The following ZNF69 variants were observed in gnomAD, a reference collection of about 807,000 sequenced individuals.
ZNF69 encodes the protein zinc finger protein 69.
In ZNF69, 47 loss-of-function variants were observed where a neutral mutation model predicts 50.9. The observed-to-expected ratio is 0.92, with a 90% CI of 0.73 to 1.18. The LOEUF is 1.18. ZNF69 is among the 50% of genes most tolerant of loss of function. The probability of loss-of-function intolerance (pLI) is 0.00; values close to 1 mark genes in which losing one functional copy is unlikely to be tolerated. For missense variants in ZNF69, 717 were observed against 675.1 expected, an observed-to-expected ratio of 1.06 and a Z score of -0.69; for synonymous variants, 216 against 223.1, an observed-to-expected ratio of 0.97 and a Z score of 0.29.
chr19:11,930,674 A>G, the ZNF69 span, among the ~76,000 whole-genome samples: 57 of 148,220 alleles, frequency 3.8e-4, 6 homozygotes, highest in African/African-American at 1.4e-3. Flanking sequence ...TTGGCTGACA[A>G]TACCTGGTTT....
Position 11,904,657 on chromosome 19 carries a change from T to A in ZNF69, c.260T>A (p.Ile87Lys), listed in dbSNP as rs535992085. Residue 87 changes from isoleucine to lysine, a missense_variant, in exon 4 of 4, where the codon ATA becomes AAA. Physicochemically the swap from Ile to Lys is moderately radical, Grantham distance 102. Coordinates refer to ENST00000429654, the MANE Select transcript of ZNF69 (RefSeq NM_001364730.1). ...QNPRRNFRSLIEKKVNEIKDD... is the reference protein window; with the variant it reads ...QNPRRNFRSLKEKKVNEIKDD... ...CTTCTCATTTTTGACAGGAGTCTCA[T>A]AGAAAAGAAAGTCAATGAAATTAAA... is the stretch of plus-strand genomic sequence containing the variant. The A allele has an allele frequency of 6.2e-7, 1 of 1,611,626 alleles. No individual in the cohort carries two copies. Among genetic ancestry groups the A allele is most frequent in the South Asian group, 1.1e-5 (1 of 90,538 alleles).
At chr19:11,931,222 G>C in the ZNF69 span, among the ~76,000 whole-genome samples, 2 of 148,034 alleles carry the variant, frequency 1.4e-5, no homozygotes, top group Non-Finnish European at 2.9e-5. Flanking sequence ...ATTTCTGGCA[G>C]TTCTTGAGGT....
intron 4 of ZNF69, among the ~76,000 whole-genome samples, chr19:11,911,799 C>T (rs1415434580): frequency 6.6e-6 from 1 of 151,962 alleles, no homozygotes. Context: ...TGCACATGTA[C>T]CCTAGAACTT....
At chr19:11,940,830 TC>T in the ZNF69 span, among the ~76,000 whole-genome samples, 4 of 151,754 alleles carry the variant, frequency 2.6e-5, no homozygotes, top group Admixed American at 6.6e-5. Flanking sequence ...GTTCTCCACG[TC>T]CCCCCCAGAT....
At chr19:11,977,645 G>A in the ZNF69 span, among the ~76,000 whole-genome samples, 14 of 152,132 alleles carry the variant, frequency 9.2e-5, no homozygotes, top group African/African-American at 3.4e-4. Flanking sequence ...GATAGCTTGA[G>A]GCCAGCAGTT....
chr19:11,903,830 C>A (rs942973741), intron 2 of ZNF69, 75 bp from the exon 3 acceptor site: 15 of 1,605,118 alleles, frequency 9.3e-6, no homozygotes, highest in Admixed American at 1.7e-5. Context: ...TGCAGTAAAT[C>A]ATGGGCATAG....
intron 1 of ZNF69, among the ~76,000 whole-genome samples, chr19:11,901,226 T>A (rs1972237008): frequency 6.6e-6 from 1 of 152,212 alleles, no homozygotes; most frequent in East Asian, 1.9e-4. Flanking sequence ...ATGTTCCTAG[T>A]GCCTCTCTTG....
the ZNF69 span, chr19:11,977,317 T>C: frequency 6.2e-7 from 1 of 1,606,234 alleles, no homozygotes; most frequent in Admixed American, 1.7e-5. Flanking sequence ...AATCTAATAA[T>C]TTTTTCACAG....
chr19:11,959,826 C>CA, the ZNF69 span, among the ~76,000 whole-genome samples: 1 of 152,144 alleles, frequency 6.6e-6, no homozygotes, highest in East Asian at 1.9e-4. Flanking sequence ...ACCTTTCATG[C>CA]ACGTGTCTTT....
At chr19:11,969,751 C>CA in the ZNF69 span, among the ~76,000 whole-genome samples, 2 of 152,292 alleles carry the variant, frequency 1.3e-5, no homozygotes, top group Admixed American at 6.5e-5. Context: ...CTGAACATTT[C>CA]ACATGAGAGG....
chr19:11,934,112 G>A, the ZNF69 span, among the ~76,000 whole-genome samples: 1 of 148,154 alleles, frequency 6.7e-6, no homozygotes, highest in East Asian at 1.9e-4. Context: ...GGGAGACAGA[G>A]GTGAGACGAT....
chr19:11,892,917 C>A (rs1480054769), intron 1 of ZNF69, among the ~76,000 whole-genome samples: 1 of 152,178 alleles, frequency 6.6e-6, no homozygotes, highest in Admixed American at 6.5e-5. Context: ...TCACTGCAGC[C>A]TTTGCCTCCT....
chr19:11,962,609 C>G, the ZNF69 span, among the ~76,000 whole-genome samples: 2 of 151,742 alleles, frequency 1.3e-5, no homozygotes, highest in African/African-American at 2.4e-5. Context: ...GACCCCCCCC[C>G]ACCTCAGCCT....
At chr19:11,977,161 A>G in the ZNF69 span, 385 of 1,614,048 alleles carry the variant, frequency 2.4e-4, 6 homozygotes, top group South Asian at 3.9e-3. Flanking sequence ...CCTGACCTCT[A>G]TAGGTAAGGA....
downstream of ZNF69, among the ~76,000 whole-genome samples, chr19:11,908,886 G>GT (rs1046596377): frequency 6.6e-6 from 1 of 152,038 alleles, no homozygotes; most frequent in Non-Finnish European, 1.5e-5. Context: ...TCCAGGAGCT[G>GT]TTTTTTTGAA....
At chr19:11,925,629 A>G in the ZNF69 span, among the ~76,000 whole-genome samples, 3 of 152,336 alleles carry the variant, frequency 2.0e-5, no homozygotes, top group Non-Finnish European at 4.4e-5. Flanking sequence ...TGGGAGGAGC[A>G]GTGGTCTGTG....
At chr19:11,973,735 T>A in the ZNF69 span, among the ~76,000 whole-genome samples, 30 of 149,984 alleles carry the variant, frequency 2.0e-4, no homozygotes, top group African/African-American at 6.9e-4. Flanking sequence ...TTTTTTTTTT[T>A]AAAGACTCAC....
At chr19:11,977,148 G>A in the ZNF69 span, 1 of 1,614,140 alleles carries the variant, frequency 6.2e-7, no homozygotes, top group Non-Finnish European at 8.5e-7. Context: ...AAACTTTCAG[G>A]AACCTGACCT....
At chr19:11,949,905 A>G in the ZNF69 span, 2 of 1,614,196 alleles carry the variant, frequency 1.2e-6, no homozygotes, top group African/African-American at 1.3e-5. Context: ...AATGTGGGAA[A>G]GCCTTCAGAT....
Sources: gnomAD v4.1 joint callset for allele counts (sites outside exome capture counted in the v4.1 genomes callset) on GRCh38, gnomAD v4.1.1 for gene constraint, MANE v1.5 for transcripts, NCBI Gene and HGNC (gene_info 2026-07-23, HGNC 2026-07-21) for gene names.